The following PRRC2A variants were observed in gnomAD, a reference collection of about 807,000 sequenced individuals.
The protein encoded by PRRC2A is proline rich coiled-coil 2A, also known as protein PRRC2A.
A neutral mutation model predicts 224.6 loss-of-function variants in PRRC2A; 59 were observed. The observed-to-expected ratio is 0.26, with a 90% CI of 0.21 to 0.33. PRRC2A has a LOEUF of 0.33. Ranked by LOEUF, PRRC2A falls within the 10% of genes least tolerant of loss-of-function variation. PRRC2A has a pLI of 1.00. For missense variants in PRRC2A, 3,095 were observed against 2,880.7 expected (o/e 1.07, Z -1.70); for synonymous variants, 1,194 against 1,109.5 (o/e 1.08, Z -1.51).
rs964355069 is a variant in PRRC2A at position 31,625,386 on chromosome 6, C to T, written c.607+72C>T. The T allele has an allele frequency of 4.3e-6, 7 of 1,612,704 alleles. 1 individual carries two copies. The highest frequency in any genetic ancestry group is 5.9e-6 in the Non-Finnish European group (7 of 1,178,650). ...GCTAGGTGCTGGCTTATTCACCTTC[C>T]TCCCCATCACTTTCAGCTGTGTTCA... is the stretch of plus-strand genomic sequence containing the variant. On this transcript the variant is annotated intron_variant, in intron 6 of 30. Coordinates refer to ENST00000376033, the MANE Select transcript of PRRC2A (RefSeq NM_004638.4). The surrounding 1 kb of genome is among the most constrained non-coding windows in gnomAD (Gnocchi z 4.1).
chr6:31,632,342 CGGAGGCAGCAAT>C lies in PRRC2A; in HGVS notation c.3675_3686del (p.Gly1228_Asn1231del), dbSNP rs764094402. ...CAGGGCCTCTGTCCCCTGTGGCGCG[CGGAGGCAGCAAT>C]GGAGGTAGCAATGTGGGCATGGAAG... On this transcript the variant is annotated inframe_deletion, in exon 16 of 31. Transcript: ENST00000376033. The C allele has an allele frequency of 1.9e-6, 3 of 1,613,362 alleles. No homozygotes were observed. Among genetic ancestry groups the C allele is most frequent in the East Asian group, 4.5e-5 (2 of 44,864 alleles).
In PRRC2A at chr6:31,625,680, C is replaced by T; in HGVS notation, c.759+69C>T. The T allele has an allele frequency of 3.8e-6, 6 of 1,597,364 alleles. No homozygotes were observed. Among genetic ancestry groups the T allele is most frequent in the Non-Finnish European group, 5.1e-6 (6 of 1,165,116 alleles). On this transcript the variant is annotated intron_variant, in intron 7 of 30. Coordinates refer to ENST00000376033, the MANE Select transcript of PRRC2A (RefSeq NM_004638.4). The surrounding 1 kb of genome is among the most constrained non-coding windows in gnomAD (Gnocchi z 4.1). ...GGAGAGCTAGGAATCAGGACTTAGTCTTTGACCTATGAGATAGAAGGGAGG... is the reference window on the plus strand; with the variant it reads ...GGAGAGCTAGGAATCAGGACTTAGTTTTTGACCTATGAGATAGAAGGGAGG...
rs562994973 is a variant in PRRC2A at position 31,627,670 on chromosome 6, T to C, written c.1291-95T>C. 7 of 1,473,006 alleles carry C rather than the reference T, an allele frequency of 4.8e-6. No individual in the cohort carries two copies. In the African/African-American group the frequency reaches 9.8e-5, roughly 21 times the overall value. The allele number at this position is 1,473,006 out of a possible 1,614,324, so 91.2% of individuals were successfully genotyped here. ...CAACCCCAAAGCCTGGGTCGTTGCA[T>C]CCTGCAAGTAGCGACAGTTGATTTG... On this transcript the variant is annotated intron_variant, in intron 11 of 30. Transcript: ENST00000376033. This position sits in a 1 kb window ranked among gnomAD's most constrained non-coding sequence, Gnocchi z 5.6.
At position 31,625,890 on chromosome 6, in the gene PRRC2A, G is replaced by T; in HGVS notation, c.839+19G>T. The stretch of plus-strand genomic sequence containing the variant: ...GGCCCAGGTGAGCAATCCAGGTCTG[G>T]GTTTGTGGCTGGGGGCAGGGGAAGC... On this transcript the variant is annotated intron_variant, in intron 8 of 30. Coordinates refer to ENST00000376033, the MANE Select transcript of PRRC2A (RefSeq NM_004638.4). The surrounding 1 kb of genome is among the most constrained non-coding windows in gnomAD (Gnocchi z 4.1). 6.3e-7 allele frequency: 1 copy of T among 1,582,564 alleles called. No individual in the cohort carries two copies. The highest frequency in any genetic ancestry group is 1.1e-5 in the South Asian group (1 of 90,276).
At position 31,625,248 on chromosome 6, in the gene PRRC2A, A is replaced by G. The variant is rs1440022964; in HGVS notation, c.541A>G (p.Lys181Glu). 3.7e-6 allele frequency: 6 copies of G among 1,613,076 alleles called. No homozygotes were observed. Among genetic ancestry groups the G allele is most frequent in the Non-Finnish European group, 4.2e-6 (5 of 1,180,044 alleles). The change falls in exon 6 of 31, where the codon AAG (lysine) becomes GAG (glutamate). Residue 181 changes from lysine to glutamate, a missense_variant. Lys to Glu is a moderately conservative substitution (Grantham distance 56). This residue lies in a region of PRRC2A where 287 missense variants were observed against 275.3 expected (regional missense o/e 1.04). Transcript: ENST00000376033. This position sits in a 1 kb window ranked among gnomAD's most constrained non-coding sequence, Gnocchi z 4.1. ...PTLQAAGDQD[K>E]AAKERESAEQ... ...CCTGCAGGCGGCTGGCGACCAGGAC[A>G]AGGCTGCCAAGGAAAGGGAGTCTGC...
At position 31,636,125 on chromosome 6, in the gene PRRC2A, C is replaced by T. The variant is rs1777312704; in HGVS notation, c.5624+76C>T. ...GGAGAGGGAAGGGGAAGACACAGTTCTAGGGTACTAGAAGCTAGTGGACTT... is the reference window on the plus strand; with the variant it reads ...GGAGAGGGAAGGGGAAGACACAGTTTTAGGGTACTAGAAGCTAGTGGACTT... On this transcript the variant is annotated intron_variant, in intron 25 of 30. Transcript: ENST00000376033. This position sits in a 1 kb window ranked among gnomAD's most constrained non-coding sequence, Gnocchi z 4.3. 3.2e-6 allele frequency: 5 copies of T among 1,562,444 alleles called. No homozygotes were observed. The highest frequency in any genetic ancestry group is 2.2e-5 in the East Asian group (1 of 44,562).
rs183612130 is a variant in PRRC2A at position 31,627,668 on chromosome 6, C to G, written c.1291-97C>G. The stretch of plus-strand genomic sequence containing the variant: ...ATCAACCCCAAAGCCTGGGTCGTTG[C>G]ATCCTGCAAGTAGCGACAGTTGATT... On this transcript the variant is annotated intron_variant, in intron 11 of 30. Coordinates refer to ENST00000376033, the MANE Select transcript of PRRC2A (RefSeq NM_004638.4). This position sits in a 1 kb window ranked among gnomAD's most constrained non-coding sequence, Gnocchi z 5.6. 2.7e-6 allele frequency: 4 copies of G among 1,462,980 alleles called. No homozygotes were observed. Among genetic ancestry groups the G allele is most frequent in the African/African-American group, 1.4e-5 (1 of 70,706 alleles). 90.6% of individuals were successfully genotyped at this position (1,462,980 alleles called of 1,614,324 possible).
Position 31,634,475 on chromosome 6 carries a change from C to G in PRRC2A, c.4853C>G (p.Thr1618Ser). The change falls in exon 20 of 31, where the codon ACT becomes AGT. Residue 1618 changes from threonine to serine, a missense_variant. Coordinates refer to ENST00000376033, the MANE Select transcript of PRRC2A (RefSeq NM_004638.4). ...PHIWNRLHTA[T>S]SRKSYRPSSM... ...TGGTTGGTGCTCCCTTCTCCAGCCA[C>G]TAGCCGAAAGAGTTACCGGCCCAGC... 1 of 1,612,968 alleles carries G rather than the reference C, an allele frequency of 6.2e-7. No homozygotes were observed. Among genetic ancestry groups the G allele is most frequent in the East Asian group, 2.2e-5 (1 of 44,888 alleles).
In PRRC2A at chr6:31,635,609, C is replaced by T; in HGVS notation, c.5401C>T (p.Leu1801=). The change falls in exon 24 of 31, where the codon CTG becomes TTG. Residue 1801 remains leucine (L), a synonymous_variant. Coordinates refer to ENST00000376033, the MANE Select transcript of PRRC2A (RefSeq NM_004638.4). ...CATTCCTGTATCACGAGACTGGGAG[C>T]TGCTTCCCAGTGCTGCTGCCTCTGC... ...EAIPVSRDWE[L]LPSAAASAEP... 6.2e-7 allele frequency: 1 copy of T among 1,611,820 alleles called. No homozygotes were observed. The highest frequency in any genetic ancestry group is 8.5e-7 in the Non-Finnish European group (1 of 1,179,266).
Position 31,627,658 on chromosome 6 carries a change from TG to T in PRRC2A, c.1291-104del. ...ACCCAGAGAGATCAACCCCAAAGCCTGGGTCGTTGCATCCTGCAAGTAGCGA... is the reference window on the plus strand; with the variant it reads ...ACCCAGAGAGATCAACCCCAAAGCCTGGTCGTTGCATCCTGCAAGTAGCGA... On this transcript the variant is annotated intron_variant, in intron 11 of 30. Coordinates refer to ENST00000376033, the MANE Select transcript of PRRC2A (RefSeq NM_004638.4). This position sits in a 1 kb window ranked among gnomAD's most constrained non-coding sequence, Gnocchi z 5.6. The T allele has an allele frequency of 7.2e-7, 1 of 1,398,192 alleles. No homozygotes were observed. The highest frequency in any genetic ancestry group is 9.6e-7 in the Non-Finnish European group (1 of 1,040,350). 86.6% of individuals were successfully genotyped at this position (1,398,192 alleles called of 1,614,324 possible). A position where few individuals can be genotyped will look rare whatever the true frequency, so the allele number is the denominator to read the frequency against.
chr6:31,621,859 A>G (rs1002931472), intron 1 of PRRC2A, among the ~76,000 whole-genome samples: 1 of 152,168 alleles, frequency 6.6e-6, no homozygotes, highest in African/African-American at 2.4e-5. Context: ...GTAAAGAAAC[A>G]CTGGTGATGG....
rs1196409725 is a variant in PRRC2A, at chr6:31,631,236, C to G, written c.2563C>G (p.Pro855Ala). ...CCCTGGGCCCCCAATCTCTCGCTTT[C>G]CTCTGGAGGAACCAGGGCCCCGTCC... is the stretch of plus-strand genomic sequence containing the variant. Reference protein sequence around the residue: ...GAPGPPISRFPLEEPGPRPLP... With the variant: ...GAPGPPISRFALEEPGPRPLP... Residue 855 changes from proline (P) to alanine (A), a missense_variant, in exon 16 of 31, where the codon CCT becomes GCT. This residue lies in a region of PRRC2A where 2,001 missense variants were observed against 1,764.9 expected (regional missense o/e 1.13). Transcript: ENST00000376033. The surrounding 1 kb of genome is among the most constrained non-coding windows in gnomAD (Gnocchi z 4.5). 6.2e-7 allele frequency: 1 copy of G among 1,611,560 alleles called. No individual in the cohort carries two copies. The highest frequency in any genetic ancestry group is 8.5e-7 in the Non-Finnish European group (1 of 1,179,604).
In PRRC2A at chr6:31,629,157, G is replaced by C; in HGVS notation, c.1779G>C (p.Leu593=). 6.2e-7 allele frequency: 1 copy of C among 1,614,024 alleles called. No homozygotes were observed. Among genetic ancestry groups the C allele is most frequent in the Non-Finnish European group, 8.5e-7 (1 of 1,180,010 alleles). The change falls in exon 13 of 31, where the codon CTG becomes CTC. Residue 593 remains leucine, a synonymous_variant. Transcript: ENST00000376033. ...SFEASPVEPQ[L]PSKEGPEPPE... ...TTTCCGATGCAGTGGAACCACAACTGCCCTCAAAAGAGGGTCCTGAACCAC... is the reference window on the plus strand; with the variant it reads ...TTTCCGATGCAGTGGAACCACAACTCCCCTCAAAAGAGGGTCCTGAACCAC...
At chr6:31,623,519 G>A (rs191356812) in intron 2 of PRRC2A, among the ~76,000 whole-genome samples, 1 of 152,022 alleles carries the variant, frequency 6.6e-6, no homozygotes, top group Non-Finnish European at 1.5e-5. Flanking sequence ...CGCCTGCCTC[G>A]GCCTGCCAAA....
At chr6:31,624,693 G>C (rs1216821536) in intron 5 of PRRC2A, among the ~76,000 whole-genome samples, 171 bp downstream of exon 5, 3 of 152,228 alleles carry the variant, frequency 2.0e-5, no homozygotes, top group Non-Finnish European at 4.4e-5. Context: ...TTATATGATG[G>C]AGTGTAGTGG....
intron 3 of PRRC2A, 88 bp from the exon 4 acceptor site, chr6:31,624,173 G>T (rs1030143750): frequency 2.3e-6 from 3 of 1,305,714 alleles, no homozygotes; most frequent in Non-Finnish European, 3.3e-6. Context: ...GGTAGCAATG[G>T]GCATGATTTC....
rs963003935 is a variant in PRRC2A, at chr6:31,628,562, G to A, written c.1765+323G>A. ...CTGGGCAACAAAGCAAGACCCTGTC[G>A]GCCAGGCATGGTGGCTCACACTTGT... On this transcript the variant is annotated intron_variant, in intron 12 of 30. Transcript: ENST00000376033. 25 of 395,144 alleles carry A rather than the reference G, an allele frequency of 6.3e-5. 1 individual carries two copies. The highest frequency in any genetic ancestry group is 1.1e-4 in the Non-Finnish European group (24 of 223,088). The allele number at this position is 395,144 out of a possible 1,614,324, so 24.5% of individuals were successfully genotyped here.
rs768201688 is a variant in PRRC2A, at chr6:31,629,533, T to A, written c.1957-15T>A. On this transcript the variant is annotated splice_polypyrimidine_tract_variant and intron_variant, in intron 13 of 30. Transcript: ENST00000376033. ...GCTTTGAGCCTCTCTCATCTTGTCT[T>A]TCCTCCTTTCCTAGGAGCAGCTCCT... is the stretch of plus-strand genomic sequence containing the variant. 1.3e-6 allele frequency: 2 copies of A among 1,506,610 alleles called. No individual in the cohort carries two copies. The highest frequency in any genetic ancestry group is 1.8e-6 in the Non-Finnish European group (2 of 1,084,336). The allele number at this position is 1,506,610 out of a possible 1,614,324, so 93.3% of individuals were successfully genotyped here.
At chr6:31,634,014 C>T in intron 18 of PRRC2A, 25 bp downstream of exon 18, 1 of 1,595,624 alleles carries the variant, frequency 6.3e-7, no homozygotes, top group Non-Finnish European at 8.5e-7. Flanking sequence ...TGAGATTGTG[C>T]TTCACTGCAC....
Sources: allele counts gnomAD v4.1 joint callset (sites outside exome capture counted in the v4.1 genomes callset), GRCh38; gene constraint gnomAD v4.1.1; regional missense constraint gnomAD v4.1.1; non-coding constraint Gnocchi (gnomAD v3.1); transcripts MANE v1.5; gene names NCBI Gene and HGNC (gene_info 2026-07-23, HGNC 2026-07-21).